Variants in CCDC18 observed in about 807,000 individuals in gnomAD.
CCDC18 encodes the protein coiled-coil domain-containing protein 18.
Under a neutral mutation model 196.0 loss-of-function variants are expected in CCDC18, and 157 were observed. That is an observed-to-expected ratio of 0.80 (90% CI 0.70 to 0.91). CCDC18 has a LOEUF of 0.91. CCDC18 is among the 40% of genes least tolerant of loss of function. CCDC18 has a pLI of 0.00. For missense variants in CCDC18, 1,465 were observed against 1,611.6 expected (o/e 0.91, Z 1.56); for synonymous variants, 482 against 529.2 (o/e 0.91, Z 1.22).
chr1:93,240,042 C>G (rs988232928), intron 21 of CCDC18, 146 bp downstream of exon 21: 6 of 619,870 alleles, frequency 9.7e-6, no homozygotes, highest in East Asian at 2.8e-5. Flanking sequence ...CATGCCTTAT[C>G]TAACTAATTC....
intron 8 of CCDC18, 101 bp downstream of exon 8, chr1:93,205,732 TTA>T: frequency 9.0e-7 from 1 of 1,108,896 alleles, no homozygotes; most frequent in Non-Finnish European, 1.3e-6. Flanking sequence ...TAGGCTTACA[TTA>T]TATAGAAGGA....
chr1:93,179,993 G>C, upstream of CCDC18: 4 of 1,525,196 alleles, frequency 2.6e-6, no homozygotes, highest in Non-Finnish European at 3.6e-6. Context: ...AAACGGGTGA[G>C]AGGCGACAAC....
At chr1:93,189,308 A>T (rs759431845) in intron 4 of CCDC18, among the ~76,000 whole-genome samples, 21 of 152,214 alleles carry the variant, frequency 1.4e-4, no homozygotes, top group Non-Finnish European at 2.9e-4. Flanking sequence ...ACTGATTCTT[A>T]TTCTTCTTTA....
In CCDC18 at chr1:93,216,598, TA is replaced by T. The variant is rs139085212; in HGVS notation, c.1720-32del. ...TCTTAGAATGCAAAATCATTACCTT[TA>T]AAAAATAATTTTACATTTATTTCAA... On this transcript the variant is annotated intron_variant, in intron 12 of 28. Transcript: ENST00000690025. 5.5e-6 allele frequency: 6 copies of T among 1,092,614 alleles called. No homozygotes were observed. In the African/African-American group the frequency reaches 9.8e-5, roughly 18 times the overall value. 67.7% of individuals were successfully genotyped at this position (1,092,614 alleles called of 1,614,324 possible). A position where few individuals can be genotyped will look rare whatever the true frequency, so the allele number is the denominator to read the frequency against.
intron 11 of CCDC18, among the ~76,000 whole-genome samples, chr1:93,214,427 A>AT (rs894736054): frequency 2.6e-5 from 4 of 152,200 alleles, no homozygotes; most frequent in African/African-American, 9.7e-5. Flanking sequence ...CTTAAAAAAA[A>AT]TTTTTACAAT....
intron 4 of CCDC18, among the ~76,000 whole-genome samples, chr1:93,187,673 A>C (rs1474839372): frequency 6.6e-6 from 1 of 152,120 alleles, no homozygotes; most frequent in African/African-American, 2.4e-5. Flanking sequence ...ATTAGGGATT[A>C]TTTCAGCACA....
intron 16 of CCDC18, among the ~76,000 whole-genome samples, chr1:93,222,416 C>CA (rs539185789): frequency 1.6e-4 from 23 of 147,778 alleles, no homozygotes; most frequent in Middle Eastern, 3.5e-3. Context: ...TTAACATTAC[C>CA]AAAAAAAAAG....
At chr1:93,208,960 G>A (rs1210149849) in intron 9 of CCDC18, among the ~76,000 whole-genome samples, 15 of 151,976 alleles carry the variant, frequency 9.9e-5, no homozygotes, top group Admixed American at 6.5e-4. Flanking sequence ...CACCATGCCC[G>A]GCCTTTTATT....
chr1:93,191,945 C>A, intron 4 of CCDC18, 55 bp from the exon 5 acceptor site: 1 of 1,251,080 alleles, frequency 8.0e-7, no homozygotes, highest in African/African-American at 1.5e-5. Flanking sequence ...AACTAAGGAC[C>A]AAGTAGGTTA....
chr1:93,214,185 G>T (rs188814815), intron 11 of CCDC18, among the ~76,000 whole-genome samples: 73 of 152,184 alleles, frequency 4.8e-4, no homozygotes, highest in African/African-American at 1.7e-3. Flanking sequence ...TCAGCCTGTT[G>T]AATAGCTCAG....
upstream of CCDC18, chr1:93,180,451 T>G: frequency 7.2e-7 from 1 of 1,385,172 alleles, no homozygotes; most frequent in Non-Finnish European, 9.8e-7. Flanking sequence ...GCAGTCCTAT[T>G]CCGCAACCGC....
intron 18 of CCDC18, among the ~76,000 whole-genome samples, chr1:93,233,195 C>G (rs560042493): frequency 1.3e-5 from 2 of 152,050 alleles, no homozygotes; most frequent in African/African-American, 4.8e-5. Flanking sequence ...TGGATCAGGA[C>G]ATGGTATGTG....
chr1:93,218,405 G>A (rs1414708998), intron 14 of CCDC18, among the ~76,000 whole-genome samples: 1 of 152,028 alleles, frequency 6.6e-6, no homozygotes, highest in Non-Finnish European at 1.5e-5. Flanking sequence ...AGATTAGCAA[G>A]AATTCTAATA....
At chr1:93,239,253 G>T in intron 19 of CCDC18, 57 bp from the exon 20 acceptor site, 2 of 1,308,580 alleles carry the variant, frequency 1.5e-6, no homozygotes, top group Non-Finnish European at 2.1e-6. Context: ...TTTAGTCAGA[G>T]ACAAGTTAGT....
intron 6 of CCDC18, 116 bp from the exon 7 acceptor site, chr1:93,201,776 G>A (rs1455565884): frequency 1.7e-6 from 1 of 584,812 alleles, no homozygotes; most frequent in African/African-American, 1.9e-5. Flanking sequence ...CCTTTTTAGT[G>A]CAGAGAAATT....
Position 93,258,860 on chromosome 1 carries a change from C to A in CCDC18, c.3659C>A (p.Ser1220Tyr). The change falls in exon 26 of 29, where the codon TCT (serine) becomes TAT (tyrosine). Residue 1220 changes from serine (S) to tyrosine (Y), a missense_variant. Coordinates refer to ENST00000690025, the MANE Select transcript of CCDC18 (RefSeq NM_001378204.1). ...AAGAAATTGTCAGCAGAAGTAGAAT[C>A]TCTCAAAGAAGCTTATCATATGGAG... ...EIKKLSAEVE[S>Y]LKEAYHMEMI... The A allele has an allele frequency of 6.3e-7, 1 of 1,599,494 alleles. No individual in the cohort carries two copies. The highest frequency in any genetic ancestry group is 8.5e-7 in the Non-Finnish European group (1 of 1,173,912).
chr1:93,183,865 CTG>C, intron 2 of CCDC18, 111 bp from the exon 3 acceptor site: 1 of 583,754 alleles, frequency 1.7e-6, no homozygotes, highest in Non-Finnish European at 2.7e-6. Flanking sequence ...ATGTTCATAA[CTG>C]TGAATCTGCT....
intron 27 of CCDC18, among the ~76,000 whole-genome samples, chr1:93,268,433 T>C (rs551028084): frequency 6.6e-6 from 1 of 151,854 alleles, no homozygotes; most frequent in Non-Finnish European, 1.5e-5. Flanking sequence ...AATAGACAAA[T>C]GGGATCTAAT....
Position 93,210,875 on chromosome 1 carries a change from A to G in CCDC18, c.1283A>G (p.Asp428Gly), listed in dbSNP as rs758886492. ...ATGAGTAGCTTCTCAAACAAGGAAG[A>G]CCGTTGCATTGGCTGCTGTGAGGCA... is the stretch of plus-strand genomic sequence containing the variant. The part of the protein sequence containing the change: ...YQMSSFSNKE[D>G]RCIGCCEANK... Residue 428 changes from aspartate to glycine, a missense_variant, in exon 10 of 29, where the codon GAC (aspartate) becomes GGC (glycine). By Grantham distance (94) the Asp-to-Gly change is moderately conservative. Transcript: ENST00000690025. 2 of 1,613,762 alleles carry G rather than the reference A, an allele frequency of 1.2e-6. No homozygotes were observed. Among genetic ancestry groups the G allele is most frequent in the South Asian group, 2.2e-5 (2 of 91,078 alleles).
Sources: allele counts gnomAD v4.1 joint callset (sites outside exome capture counted in the v4.1 genomes callset), GRCh38; gene constraint gnomAD v4.1.1; transcripts MANE v1.5; gene names NCBI Gene and HGNC (gene_info 2026-07-23, HGNC 2026-07-21).